The following KCNH7 variants were observed in gnomAD, a reference collection of about 807,000 sequenced individuals.
KCNH7 encodes the protein voltage-gated inwardly rectifying potassium channel KCNH7.
In KCNH7, 49 loss-of-function variants were observed where a neutral mutation model predicts 120.8. The observed-to-expected ratio is 0.41, with a 90% CI of 0.32 to 0.51. The LOEUF (loss-of-function observed/expected upper bound fraction) is 0.51. Ranked by LOEUF, KCNH7 falls within the 20% of genes least tolerant of loss-of-function variation. The probability of loss-of-function intolerance (pLI) is 0.38; values close to 1 mark genes in which losing one functional copy is unlikely to be tolerated. For missense variants in KCNH7, 1,097 were observed against 1,446.6 expected, an observed-to-expected ratio of 0.76 and a Z score of 3.92; for synonymous variants, 547 against 516.1, an observed-to-expected ratio of 1.06 and a Z score of -0.81.
intron 7 of KCNH7, among the ~76,000 whole-genome samples, chr2:162,435,992 A>T (rs894661446): frequency 6.6e-6 from 1 of 152,126 alleles, no homozygotes; most frequent in Admixed American, 6.6e-5. Flanking sequence ...CCTAATAGAG[A>T]CAGCTATTTA....
chr2:162,776,354 C>T (rs1683237700), intron 2 of KCNH7, among the ~76,000 whole-genome samples: 1 of 152,144 alleles, frequency 6.6e-6, no homozygotes, highest in African/African-American at 2.4e-5. Flanking sequence ...ATCAGTTTCT[C>T]TCTGTTAAGT....
intron 2 of KCNH7, among the ~76,000 whole-genome samples, chr2:162,826,050 TG>T (rs1685274538): frequency 6.6e-6 from 1 of 152,018 alleles, no homozygotes; most frequent in Non-Finnish European, 1.5e-5. Flanking sequence ...CTTGTTGAAG[TG>T]GTGAAATCCT....
intron 2 of KCNH7, among the ~76,000 whole-genome samples, chr2:162,562,384 G>A (rs1052713895): frequency 4.1e-4 from 63 of 152,164 alleles, no homozygotes; most frequent in Non-Finnish European, 6.5e-4. Flanking sequence ...TGGGCTTGAC[G>A]GCTCCTTCTG....
intron 2 of KCNH7, among the ~76,000 whole-genome samples, chr2:162,620,057 G>A (rs1157102459): frequency 6.6e-6 from 1 of 150,938 alleles, no homozygotes; most frequent in Non-Finnish European, 1.5e-5. Flanking sequence ...ACATATATAT[G>A]TTTGAGAGAG....
chr2:162,507,220 T>A (rs1056046172), intron 5 of KCNH7, among the ~76,000 whole-genome samples: 1 of 151,736 alleles, frequency 6.6e-6, no homozygotes, highest in Non-Finnish European at 1.5e-5. Context: ...TAGTTTACAA[T>A]CTGTGTTTGG....
At chr2:162,785,691 A>AGTTTTTT (rs200568295) in intron 2 of KCNH7, among the ~76,000 whole-genome samples, 1 of 151,852 alleles carries the variant, frequency 6.6e-6, no homozygotes, top group Non-Finnish European at 1.5e-5. Flanking sequence ...CCTGTGGAAT[A>AGTTTTTT]GTTTTTTGTT....
chr2:162,520,517 C>T (rs755332414), intron 3 of KCNH7, among the ~76,000 whole-genome samples: 8 of 151,598 alleles, frequency 5.3e-5, no homozygotes, highest in East Asian at 2.0e-4. Context: ...GCCAGCACTT[C>T]GTGAAGAAAA....
At chr2:162,486,942 G>A (rs1268844869) in intron 6 of KCNH7, among the ~76,000 whole-genome samples, 1 of 152,158 alleles carries the variant, frequency 6.6e-6, no homozygotes, top group Admixed American at 6.5e-5. Context: ...GTTACTGTTT[G>A]AACTAAGAAA....
chr2:162,703,770 C>A (rs1465700113), intron 2 of KCNH7, among the ~76,000 whole-genome samples: 1 of 152,072 alleles, frequency 6.6e-6, no homozygotes, highest in East Asian at 1.9e-4. Flanking sequence ...TCCCCTATAC[C>A]ATAGTCATCA....
At chr2:162,619,783 CA>C (rs1002825411) in intron 2 of KCNH7, among the ~76,000 whole-genome samples, 19 of 152,074 alleles carry the variant, frequency 1.2e-4, no homozygotes, top group African/African-American at 4.3e-4. Flanking sequence ...TCTTCTTCTA[CA>C]AGACCTTGCT....
intron 5 of KCNH7, among the ~76,000 whole-genome samples, chr2:162,508,061 T>C (rs1690943004): frequency 6.6e-6 from 1 of 151,648 alleles, no homozygotes; most frequent in Non-Finnish European, 1.5e-5. Context: ...TGTTTTTCTT[T>C]TATTTCTCCT....
intron 2 of KCNH7, among the ~76,000 whole-genome samples, chr2:162,763,319 A>T (rs1394709070): frequency 2.6e-5 from 4 of 152,092 alleles, no homozygotes; most frequent in Non-Finnish European, 5.9e-5. Context: ...AAAGCCCTGT[A>T]TCTATATCCA....
intron 2 of KCNH7, among the ~76,000 whole-genome samples, chr2:162,675,073 C>A (rs763978903): frequency 5.9e-5 from 9 of 151,282 alleles, no homozygotes; most frequent in Non-Finnish European, 1.0e-4. Context: ...ATTAAGACTA[C>A]AATAAACAGC....
chr2:162,372,610 G>A (rs2105383436), intron 15 of KCNH7, among the ~76,000 whole-genome samples: 1 of 152,200 alleles, frequency 6.6e-6, no homozygotes, highest in South Asian at 2.1e-4. Context: ...ATTTTTAGAA[G>A]TATTGCGTTA....
chr2:162,674,427 A>G (rs1685467157), intron 2 of KCNH7, among the ~76,000 whole-genome samples: 1 of 151,764 alleles, frequency 6.6e-6, no homozygotes, highest in Admixed American at 6.6e-5. Flanking sequence ...TTCTTCCTAA[A>G]TTGAACCACA....
chr2:162,409,224 T>C (rs987729539), intron 9 of KCNH7, among the ~76,000 whole-genome samples: 1 of 151,702 alleles, frequency 6.6e-6, no homozygotes, highest in Non-Finnish European at 1.5e-5. Context: ...AGAAAAAATA[T>C]GCAAGTTCAG....
intron 9 of KCNH7, among the ~76,000 whole-genome samples, chr2:162,414,773 A>T (rs1687491932): frequency 1.3e-5 from 2 of 152,138 alleles, no homozygotes; most frequent in Admixed American, 6.6e-5. Flanking sequence ...TTGCATTTTA[A>T]AAATCCCTTT....
intron 2 of KCNH7, among the ~76,000 whole-genome samples, chr2:162,543,311 A>G (rs1470353705): frequency 1.3e-5 from 2 of 151,764 alleles, no homozygotes; most frequent in African/African-American, 2.4e-5. Context: ...CACAAATACA[A>G]TCACCAACAT....
chr2:162,564,584 G>A (rs1693186958), intron 2 of KCNH7, among the ~76,000 whole-genome samples: 1 of 152,080 alleles, frequency 6.6e-6, no homozygotes, highest in African/African-American at 2.4e-5. Context: ...GGTAAATTTA[G>A]AGACATTTAT....
Sources: gnomAD v4.1 joint callset for allele counts (sites outside exome capture counted in the v4.1 genomes callset) on GRCh38, gnomAD v4.1.1 for gene constraint, MANE v1.5 for transcripts, NCBI Gene and HGNC (gene_info 2026-07-23, HGNC 2026-07-21) for gene names.